Variants in EHHADH observed in about 807,000 individuals in gnomAD.
EHHADH encodes enoyl-CoA hydratase and 3-hydroxyacyl CoA dehydrogenase, also known as peroxisomal bifunctional enzyme.
A neutral mutation model predicts 64.4 loss-of-function variants in EHHADH; 48 were observed. The ratio of observed to expected loss-of-function variants is 0.75; its 90% confidence interval spans 0.59 to 0.95. The LOEUF is 0.95. Ranked by LOEUF, EHHADH falls within the 40% of genes least tolerant of loss-of-function variation. EHHADH has a pLI of 0.00. For synonymous variants in EHHADH, 308 were observed against 326.7 expected, an observed-to-expected ratio of 0.94 and a Z score of 0.62; for missense variants, 854 against 876.6, an observed-to-expected ratio of 0.97 and a Z score of 0.33.
intron 6 of EHHADH, among the ~76,000 whole-genome samples, chr3:185,196,134 A>AAATCTGAG (rs1268610067): frequency 1.3e-5 from 2 of 152,244 alleles, no homozygotes; most frequent in Non-Finnish European, 2.9e-5. Context: ...GAATATTCCA[A>AAATCTGAG]AATCTGAGAT....
At chr3:185,226,613 C>T (rs1718982099) in intron 4 of EHHADH, among the ~76,000 whole-genome samples, 1 of 147,926 alleles carries the variant, frequency 6.8e-6, no homozygotes, top group African/African-American at 2.5e-5. Flanking sequence ...TGTGCCACTG[C>T]ACTCCAGCCT....
Position 185,192,251 on chromosome 3 carries a change from G to A in EHHADH, c.2147C>T (p.Ala716Val). The part of the protein sequence containing the change: ...NPPLKEWQSL[A>V]GSPSSKL Reference sequence around the variant, plus strand: ...TCACAATTTACTGCTAGGGGAGCCTGCCAAGCTTTGCCATTCTTTCAGGGG... The same window carrying A: ...TCACAATTTACTGCTAGGGGAGCCTACCAAGCTTTGCCATTCTTTCAGGGG... Residue 716 changes from alanine (A) to valine (V), a missense_variant, in exon 7 of 7, where the codon GCA becomes GTA. Transcript: ENST00000231887. 6.2e-7 allele frequency: 1 copy of A among 1,613,750 alleles called. No individual in the cohort carries two copies. The highest frequency in any genetic ancestry group is 8.5e-7 in the Non-Finnish European group (1 of 1,179,880).
chr3:185,234,703 T>C (rs1038455002), intron 3 of EHHADH, among the ~76,000 whole-genome samples: 3 of 151,206 alleles, frequency 2.0e-5, no homozygotes, highest in African/African-American at 7.3e-5. Context: ...GGAGTTCCCC[T>C]GTAGTTGATG....
At chr3:185,240,974 C>A (rs564431495) in intron 2 of EHHADH, among the ~76,000 whole-genome samples, 4 of 152,094 alleles carry the variant, frequency 2.6e-5, no homozygotes, top group Non-Finnish European at 2.9e-5. Context: ...CCTTCCCCCC[C>A]AAATCCCCAA....
chr3:185,249,694 G>A (rs911447164), intron 1 of EHHADH, among the ~76,000 whole-genome samples: 1 of 152,148 alleles, frequency 6.6e-6, no homozygotes, highest in South Asian at 2.1e-4. Context: ...CAGCCATGTG[G>A]AACTGTGATC....
chr3:185,226,733 T>A (rs1718989380), intron 4 of EHHADH: 1 of 151,592 alleles, frequency 6.6e-6, no homozygotes, highest in Admixed American at 6.6e-5. Context: ...TTGACTCCGA[T>A]CTCATGACAA....
At chr3:185,241,543 T>G (rs1719452702) in intron 2 of EHHADH, among the ~76,000 whole-genome samples, 1 of 152,250 alleles carries the variant, frequency 6.6e-6, no homozygotes, top group African/African-American at 2.4e-5. Context: ...TGCATTTCCC[T>G]GATCATTAGT....
Position 185,253,994 on chromosome 3 carries a change from G to A in EHHADH, c.29C>T (p.Ala10Val). The change falls in exon 1 of 7, where the codon GCC (alanine) becomes GTC (valine). Residue 10 changes from alanine to valine, a missense_variant. Ala to Val is a moderately conservative substitution (Grantham distance 64, BLOSUM62 0). Transcript: ENST00000231887. MAEYTRLHN[A>V]LALIRLRNPP... ...GTTTCGGAGGCGGATTAGCGCCAAGGCGTTGTGCAGCCGCGTATACTCGGC... is the reference window on the plus strand; with the variant it reads ...GTTTCGGAGGCGGATTAGCGCCAAGACGTTGTGCAGCCGCGTATACTCGGC... 4.3e-6 allele frequency: 7 copies of A among 1,613,978 alleles called. No homozygotes were observed. Among genetic ancestry groups the A allele is most frequent in the Non-Finnish European group, 5.9e-6 (7 of 1,179,930 alleles).
intron 2 of EHHADH, chr3:185,245,632 C>T: frequency 2.8e-6 from 2 of 727,022 alleles, no homozygotes; most frequent in East Asian, 2.5e-5. Flanking sequence ...AAGTGACATA[C>T]TCCTTGATAA....
chr3:185,246,160 T>C (rs1719588509), intron 2 of EHHADH: 20 of 1,082,836 alleles, frequency 1.8e-5, no homozygotes, highest in Non-Finnish European at 2.8e-5. Context: ...CTTTACAACT[T>C]CTTCAGCTTC....
At chr3:185,206,614 G>C (rs1384237321) in intron 5 of EHHADH, among the ~76,000 whole-genome samples, 1 of 151,998 alleles carries the variant, frequency 6.6e-6, no homozygotes, top group Non-Finnish European at 1.5e-5. Flanking sequence ...GATTGTCTGA[G>C]CTCAGGAGTT....
chr3:185,247,768 T>C (rs1719634132), intron 2 of EHHADH, among the ~76,000 whole-genome samples: 1 of 152,218 alleles, frequency 6.6e-6, no homozygotes, highest in South Asian at 2.1e-4. Context: ...GTATAATGTA[T>C]GAATATTAAG....
chr3:185,225,431 C>T (rs116790279), intron 4 of EHHADH, among the ~76,000 whole-genome samples: 278 of 152,184 alleles, frequency 1.8e-3, no homozygotes, highest in African/African-American at 6.5e-3. Flanking sequence ...CAGAATCTGA[C>T]CATATCTTAT....
intron 1 of EHHADH, 167 bp downstream of exon 1, chr3:185,253,779 AAAG>A: frequency 7.4e-7 from 1 of 1,349,590 alleles, no homozygotes; most frequent in Non-Finnish European, 9.6e-7. Context: ...AAAAAAAAGA[AAAG>A]AAAAAGAAAG....
chr3:185,216,481 G>A lies in EHHADH; in HGVS notation c.568+1655C>T, dbSNP rs575455470. Among the ~76,000 whole-genome samples the A allele has an allele frequency of 1.3e-5, 2 of 152,234 alleles. No homozygotes were observed. Among genetic ancestry groups the A allele is most frequent in the Admixed American group, 1.3e-4 (2 of 15,288 alleles). ...TTCTAACAAAACAATAAGCCCCCTC[G>A]GGAAGCACAATGATGAAAACACAGT... is the stretch of plus-strand genomic sequence containing the variant. On this transcript the variant is annotated intron_variant, in intron 5 of 6. Coordinates refer to ENST00000231887, the MANE Select transcript of EHHADH (RefSeq NM_001966.4). This position sits in a 1 kb window ranked among gnomAD's most constrained non-coding sequence, Gnocchi z 5.3.
chr3:185,253,089 T>C (rs1274247689), intron 1 of EHHADH: 1 of 153,666 alleles, frequency 6.5e-6, no homozygotes, highest in Non-Finnish European at 1.5e-5. Flanking sequence ...GAAAATGCTA[T>C]TGCATAGGCT....
chr3:185,238,192 C>T (rs146985287), intron 2 of EHHADH, among the ~76,000 whole-genome samples: 149 of 152,212 alleles, frequency 9.8e-4, no homozygotes, highest in African/African-American at 3.5e-3. Context: ...CATGACTTTG[C>T]TATCATTAAC....
rs140334341 is a variant in EHHADH, at chr3:185,206,814, C to T, written c.569-2057G>A. 1.1e-3 allele frequency among the ~76,000 whole-genome samples: 157 copies of T among 148,146 alleles called. 1 individual carries two copies. Among genetic ancestry groups the T allele is most frequent in the East Asian group, 5.0e-3 (25 of 4,964 alleles). Reference sequence around the variant, plus strand: ...TTGCACTCCAGCCAGGGTGACAGAGCGAGACTCTGTCTCCAAAAAAAACAG... The same window carrying T: ...TTGCACTCCAGCCAGGGTGACAGAGTGAGACTCTGTCTCCAAAAAAAACAG... On this transcript the variant is annotated intron_variant, in intron 5 of 6. Transcript: ENST00000231887.
At chr3:185,235,814 C>A (rs1046625775) in intron 2 of EHHADH, among the ~76,000 whole-genome samples, 2 of 152,114 alleles carry the variant, frequency 1.3e-5, no homozygotes, top group African/African-American at 4.8e-5. Flanking sequence ...CTCCAAAGAT[C>A]ATTATTCTGA....
Sources: allele counts gnomAD v4.1 joint callset (sites outside exome capture counted in the v4.1 genomes callset), GRCh38; gene constraint gnomAD v4.1.1; non-coding constraint Gnocchi (gnomAD v3.1); transcripts MANE v1.5; gene names NCBI Gene and HGNC (gene_info 2026-07-23, HGNC 2026-07-21).